The following DLG2 variants were observed in gnomAD, a reference collection of about 807,000 sequenced individuals.
DLG2 encodes disks large homolog 2.
A neutral mutation model predicts 132.5 loss-of-function variants in DLG2; 45 were observed. The ratio of observed to expected loss-of-function variants is 0.34; its 90% CI spans 0.27 to 0.44. The LOEUF (loss-of-function observed/expected upper bound fraction) is 0.44, where lower values mean the gene tolerates loss of function less well. DLG2 is among the 20% of genes least tolerant of loss of function. The pLI is 1.00. For synonymous variants in DLG2, 424 were observed against 419.6 expected, an observed-to-expected ratio of 1.01 and a Z score of -0.13; for missense variants, 1,045 against 1,196.9, an observed-to-expected ratio of 0.87 and a Z score of 1.87.
chr11:84,165,690 G>A (rs1242301403), intron 8 of DLG2, among the ~76,000 whole-genome samples: 2 of 152,048 alleles, frequency 1.3e-5, no homozygotes, highest in Admixed American at 6.6e-5. Context: ...ACAAAATCAG[G>A]AGTTCGAGAC....
intron 8 of DLG2, among the ~76,000 whole-genome samples, chr11:84,171,200 G>C (rs377321552): frequency 6.6e-6 from 1 of 152,166 alleles, no homozygotes; most frequent in Non-Finnish European, 1.5e-5. Flanking sequence ...GAAAAAACTT[G>C]AGGAGGCTGA....
intron 3 of DLG2, among the ~76,000 whole-genome samples, chr11:85,383,384 T>C (rs969064767): frequency 6.6e-5 from 10 of 152,146 alleles, no homozygotes; most frequent in Admixed American, 6.5e-4. Flanking sequence ...TGGAATTATA[T>C]AGCTATAACT....
At chr11:83,618,958 G>C (rs1483754688) in intron 19 of DLG2, among the ~76,000 whole-genome samples, 1 of 152,050 alleles carries the variant, frequency 6.6e-6, no homozygotes, top group Admixed American at 6.6e-5. Context: ...ACTAACTTCA[G>C]CTGGATCCTC....
intron 21 of DLG2, among the ~76,000 whole-genome samples, chr11:83,491,283 C>CCAA (rs2093830132): frequency 6.6e-6 from 1 of 151,576 alleles, no homozygotes; most frequent in East Asian, 1.9e-4. Context: ...AAATCAAATC[C>CCAA]CAACGACTAT....
chr11:84,490,138 A>G (rs2099161079), intron 7 of DLG2, among the ~76,000 whole-genome samples: 1 of 152,142 alleles, frequency 6.6e-6, no homozygotes. Context: ...CAGATCTTTG[A>G]TGCTGGGAAA....
chr11:84,704,807 C>T (rs1011672760), intron 6 of DLG2, among the ~76,000 whole-genome samples: 2 of 150,666 alleles, frequency 1.3e-5, no homozygotes, highest in Non-Finnish European at 3.0e-5. Context: ...TAGACAGAAA[C>T]CCTGATTAAA....
At chr11:84,353,453 T>G (rs1365584304) in intron 7 of DLG2, among the ~76,000 whole-genome samples, 1 of 152,120 alleles carries the variant, frequency 6.6e-6, no homozygotes, top group Admixed American at 6.6e-5. Flanking sequence ...TCTCCACACA[T>G]GCATCAGTCA....
At chr11:83,493,070 C>T (rs1591786915) in intron 21 of DLG2, among the ~76,000 whole-genome samples, 1 of 152,194 alleles carries the variant, frequency 6.6e-6, no homozygotes, top group Non-Finnish European at 1.5e-5. Context: ...TGCCACTGTG[C>T]CTTCTTTGCC....
chr11:84,070,025 G>C (rs778736521), intron 10 of DLG2, among the ~76,000 whole-genome samples: 1 of 152,178 alleles, frequency 6.6e-6, no homozygotes, highest in Non-Finnish European at 1.5e-5. Flanking sequence ...CTGATGCCAG[G>C]CTAATTAGCC....
intron 3 of DLG2, among the ~76,000 whole-genome samples, chr11:85,413,284 T>C (rs1023914805): frequency 6.6e-6 from 1 of 152,054 alleles, no homozygotes; most frequent in Non-Finnish European, 1.5e-5. Flanking sequence ...TTTGAGTTCA[T>C]TGTAGATTCT....
intron 3 of DLG2, among the ~76,000 whole-genome samples, chr11:85,539,165 C>G (rs1382040783): frequency 2.6e-5 from 4 of 151,828 alleles, no homozygotes; most frequent in Non-Finnish European, 5.9e-5. Context: ...TTTCTCCACT[C>G]AAGTCTATTA....
intron 18 of DLG2, among the ~76,000 whole-genome samples, chr11:83,663,378 A>G (rs184250555): frequency 1.3e-5 from 2 of 152,294 alleles, no homozygotes; most frequent in African/African-American, 4.8e-5. Flanking sequence ...CTCAGAGGTT[A>G]AGAGTTGTTT....
At chr11:85,044,685 A>G (rs2062170159) in intron 6 of DLG2, among the ~76,000 whole-genome samples, 2 of 152,018 alleles carry the variant, frequency 1.3e-5, no homozygotes, top group South Asian at 2.1e-4. Context: ...AAACTTGCCT[A>G]TATGAACCAG....
chr11:84,444,129 C>T (rs1298573281), intron 7 of DLG2, among the ~76,000 whole-genome samples: 6 of 152,008 alleles, frequency 3.9e-5, no homozygotes, highest in Non-Finnish European at 5.9e-5. Context: ...CCCAACACTG[C>T]ATGTTCTCAC....
rs532674182 is a variant in DLG2 at position 83,798,297 on chromosome 11, C to A, written c.1723-11505G>T. 4.2e-4 allele frequency among the ~76,000 whole-genome samples: 64 copies of A among 152,254 alleles called. 1 individual carries two copies. Among genetic ancestry groups the A allele is most frequent in the African/African-American group, 1.4e-3 (60 of 41,544 alleles). On this transcript the variant is annotated intron_variant, in intron 17 of 27. Coordinates refer to ENST00000376104, the MANE Select transcript of DLG2 (RefSeq NM_001142699.3). The stretch of plus-strand genomic sequence containing the variant: ...CCTCATATGCATCAAAAGATGTGAA[C>A]CCTTCTTTTGTTAGGCTGTTATCAG...
chr11:83,830,312 T>C (rs1228748136), intron 17 of DLG2, among the ~76,000 whole-genome samples: 1 of 152,230 alleles, frequency 6.6e-6, no homozygotes, highest in East Asian at 1.9e-4. Context: ...AATGGATAAA[T>C]CTATTTTTGA....
intron 9 of DLG2, among the ~76,000 whole-genome samples, chr11:84,120,478 A>C (rs1047665682): frequency 6.6e-6 from 1 of 152,198 alleles, no homozygotes; most frequent in African/African-American, 2.4e-5. Context: ...TGACTCTGAG[A>C]AAGGTTGTAG....
At position 85,294,078 on chromosome 11, in the gene DLG2, C is replaced by A. The variant is rs569910256; in HGVS notation, c.41-8713G>T. Among the ~76,000 whole-genome samples, 189 of 151,218 alleles carry A rather than the reference C, an allele frequency of 1.2e-3. 1 individual carries two copies. The highest frequency in any genetic ancestry group is 4.3e-3 in the African/African-American group (177 of 41,170). The stretch of plus-strand genomic sequence containing the variant: ...TCAACATGATGAGAACCCGTATCTA[C>A]AAAAATAAAAATAAACTGATATGCA... On this transcript the variant is annotated intron_variant, in intron 3 of 27. Transcript: ENST00000376104.
intron 9 of DLG2, among the ~76,000 whole-genome samples, chr11:84,136,335 G>T (rs1420948920): frequency 2.0e-5 from 3 of 152,102 alleles, no homozygotes; most frequent in Non-Finnish European, 4.4e-5. Context: ...ATAAATTTGA[G>T]TTACTTTACT....
Sources: allele counts gnomAD v4.1 joint callset (sites outside exome capture counted in the v4.1 genomes callset), GRCh38; gene constraint gnomAD v4.1.1; transcripts MANE v1.5; gene names NCBI Gene and HGNC (gene_info 2026-07-23, HGNC 2026-07-21).